Variants in ABCA12 observed in about 807,000 individuals in gnomAD.
ABCA12 encodes ATP binding cassette subfamily A member 12, also known as glucosylceramide transporter ABCA12.
A neutral mutation model predicts 293.5 loss-of-function variants in ABCA12; 156 were observed. The ratio of observed to expected loss-of-function variants is 0.53; its 90% CI spans 0.47 to 0.61. The LOEUF (loss-of-function observed/expected upper bound fraction) is 0.61, where lower values mean the gene tolerates loss of function less well. ABCA12 is among the 20% of genes least tolerant of loss of function. The pLI, the probability that ABCA12 is intolerant of heterozygous loss-of-function variation, is 0.00. For synonymous variants in ABCA12, 1,063 were observed against 1,108.0 expected (o/e 0.96, Z 0.81); for missense variants, 2,797 against 3,090.2 (o/e 0.91, Z 2.25).
intron 7 of ABCA12, 76 bp downstream of exon 7, chr2:215,045,761 A>C: frequency 7.6e-7 from 1 of 1,317,184 alleles, no homozygotes; most frequent in South Asian, 1.3e-5. Context: ...AGATAACAGT[A>C]ATCATCACAG....
chr2:214,937,516 G>A lies in ABCA12; in HGVS notation c.7536C>T (p.Tyr2512=), dbSNP rs1200082923. The A allele has an allele frequency of 6.2e-7, 1 of 1,612,780 alleles. No homozygotes were observed. The highest frequency in any genetic ancestry group is 1.7e-5 in the Admixed American group (1 of 59,976). ...CCCAGCCATCATCACTTACTTTTAAGTATGTTTTTGGAAAGTGCAGCTGCA... is the reference window on the plus strand; with the variant it reads ...CCCAGCCATCATCACTTACTTTTAAATATGTTTTTGGAAAGTGCAGCTGCA... ...KFMQLHFPKT[Y]LKDQHLSMLE... Residue 2512 remains tyrosine, a synonymous_variant, in exon 51 of 53, where the codon TAC becomes TAT. Transcript: ENST00000272895.
chr2:214,986,738 A>T lies in ABCA12; in HGVS notation c.3977-10T>A, dbSNP rs1699796638. On this transcript the variant is annotated splice_polypyrimidine_tract_variant and intron_variant, in intron 27 of 52. Coordinates refer to ENST00000272895, the MANE Select transcript of ABCA12 (RefSeq NM_173076.3). ...AACATGTATTCAGGACCTGGAGAGA[A>T]ATCAAGGGAAGAGTTGTAAACTCAC... is the stretch of plus-strand genomic sequence containing the variant. The T allele has an allele frequency of 6.2e-7, 1 of 1,613,592 alleles. No individual in the cohort carries two copies. The highest frequency in any genetic ancestry group is 8.5e-7 in the Non-Finnish European group (1 of 1,179,598).
chr2:214,963,684 C>G (rs370453486), intron 39 of ABCA12, among the ~76,000 whole-genome samples: 7 of 148,638 alleles, frequency 4.7e-5, no homozygotes, highest in Non-Finnish European at 1.0e-4. Flanking sequence ...GAGCCCAAGG[C>G]GGGTGGATCA....
intron 14 of ABCA12, among the ~76,000 whole-genome samples, chr2:215,017,149 G>A (rs1030627184): frequency 3.3e-5 from 5 of 152,132 alleles, no homozygotes; most frequent in African/African-American, 1.2e-4. Flanking sequence ...TATTTTTTAA[G>A]GGGAACCTTA....
chr2:214,980,463 A>T lies in ABCA12; in HGVS notation c.4740+20T>A. The T allele has an allele frequency of 3.7e-6, 6 of 1,612,780 alleles. No individual in the cohort carries two copies. The highest frequency in any genetic ancestry group is 5.1e-6 in the Non-Finnish European group (6 of 1,179,874). On this transcript the variant is annotated intron_variant, in intron 31 of 52. Transcript: ENST00000272895. Reference sequence around the variant, plus strand: ...TTAATTTATGGTGCCATAATGAGATATATTTTCTCCCATTCCTACCTTCTT... The same window carrying T: ...TTAATTTATGGTGCCATAATGAGATTTATTTTCTCCCATTCCTACCTTCTT...
intron 19 of ABCA12, 43 bp downstream of exon 19, chr2:215,007,683 GA>G: frequency 6.2e-7 from 1 of 1,612,002 alleles, no homozygotes; most frequent in Non-Finnish European, 8.5e-7. Flanking sequence ...AAATCTCAAA[GA>G]ATTCAAATTC....
chr2:215,016,601 A>AG (rs1177293890), intron 14 of ABCA12, among the ~76,000 whole-genome samples: 9 of 146,776 alleles, frequency 6.1e-5, no homozygotes, highest in African/African-American at 1.5e-4. Flanking sequence ...AAAAAAAAAA[A>AG]AAAAAAAAAA....
chr2:215,067,295 G>A (rs1404709820), intron 2 of ABCA12, among the ~76,000 whole-genome samples: 2 of 151,954 alleles, frequency 1.3e-5, no homozygotes, highest in Admixed American at 6.6e-5. Flanking sequence ...TTTCTTTCAC[G>A]AAACTTCCAT....
At position 215,018,022 on chromosome 2, in the gene ABCA12, C is replaced by T; in HGVS notation, c.1768G>A (p.Asp590Asn). The change falls in exon 14 of 53, where the codon GAT becomes AAT. Residue 590 changes from aspartate to asparagine, a missense_variant. Asp to Asn is a conservative substitution (Grantham distance 23). Transcript: ENST00000272895. ...TGACACCCCACCTCAGCTCTATTAT[C>T]AGGGATGGGAATGGCCAGCAACTTG... ...IDKLLAIPIP[D>N]NRAEIISQVF... 1 of 1,614,144 alleles carries T rather than the reference C, an allele frequency of 6.2e-7. No individual in the cohort carries two copies. Among genetic ancestry groups the T allele is most frequent in the Admixed American group, 1.7e-5 (1 of 60,020 alleles).
At chr2:215,008,581 A>C (rs761304488) in intron 18 of ABCA12, among the ~76,000 whole-genome samples, 9 of 152,174 alleles carry the variant, frequency 5.9e-5, no homozygotes, top group Admixed American at 5.2e-4. Flanking sequence ...ATATATAAAA[A>C]AGGATTAAAA....
At chr2:215,081,682 A>G (rs1701944828) in intron 2 of ABCA12, among the ~76,000 whole-genome samples, 1 of 152,162 alleles carries the variant, frequency 6.6e-6, no homozygotes, top group African/African-American at 2.4e-5. Context: ...TACATTACCA[A>G]ACTAACACAT....
In ABCA12 at chr2:215,058,688, G is replaced by A. The variant is rs79321302; in HGVS notation, c.318-4024C>T. Among the ~76,000 whole-genome samples the A allele has an allele frequency of 2.6e-4, 39 of 152,014 alleles. No individual in the cohort carries two copies. The East Asian group carries it at 4.1e-3, about 16-fold the overall frequency. On this transcript the variant is annotated intron_variant, in intron 3 of 52. Transcript: ENST00000272895. ...CAGCTTACTAACTTCTACTGGACCC[G>A]GCCACATGCACGGTACGATGGGCAT...
At chr2:214,973,857 A>G in intron 36 of ABCA12, 92 bp downstream of exon 36, 1 of 1,110,726 alleles carries the variant, frequency 9.0e-7, no homozygotes, top group Non-Finnish European at 1.4e-6. Flanking sequence ...ATGAACTTAT[A>G]CTGATTCTTT....
intron 1 of ABCA12, among the ~76,000 whole-genome samples, chr2:215,137,196 A>G (rs1256509041): frequency 6.6e-6 from 1 of 152,162 alleles, no homozygotes; most frequent in Admixed American, 6.5e-5. Flanking sequence ...CTTACTACAC[A>G]CATCAAAACA....
At chr2:214,974,995 C>T in intron 34 of ABCA12, 131 bp from the exon 35 acceptor site, 1 of 811,968 alleles carries the variant, frequency 1.2e-6, no homozygotes, top group Non-Finnish European at 2.0e-6. Flanking sequence ...CAGAGTCTTG[C>T]CGTGTTGCCC....
rs766662776 is a variant in ABCA12, at chr2:215,062,173, A to G, written c.317+1893T>C. The stretch of plus-strand genomic sequence containing the variant: ...GGCAGTCTTCATTGTTCTATCTCCT[A>G]TTATTGTTATTGATTTAATGTTTTC... On this transcript the variant is annotated intron_variant, in intron 3 of 52. Coordinates refer to ENST00000272895, the MANE Select transcript of ABCA12 (RefSeq NM_173076.3). Among the ~76,000 whole-genome samples, 7 of 152,002 alleles carry G rather than the reference A, an allele frequency of 4.6e-5. No homozygotes were observed. In the South Asian group the frequency reaches 8.3e-4, roughly 18 times the overall value.
At chr2:215,133,970 C>A (rs2105920439) in intron 1 of ABCA12, among the ~76,000 whole-genome samples, 1 of 152,104 alleles carries the variant, frequency 6.6e-6, no homozygotes, top group East Asian at 1.9e-4. Context: ...TGACCTTGGA[C>A]AAGTCCCTTG....
At chr2:215,045,269 G>A (rs1701178714) in intron 7 of ABCA12, among the ~76,000 whole-genome samples, 1 of 152,136 alleles carries the variant, frequency 6.6e-6, no homozygotes. Context: ...AACCTTTAAA[G>A]GTGTTTCTCC....
At chr2:215,034,026 T>C (rs181854807) in intron 8 of ABCA12, among the ~76,000 whole-genome samples, 165 of 152,278 alleles carry the variant, frequency 1.1e-3, no homozygotes, top group Middle Eastern at 6.8e-3. Context: ...CACAGAAATA[T>C]GGTGCATAGA....
Sources: allele counts gnomAD v4.1 joint callset (sites outside exome capture counted in the v4.1 genomes callset), GRCh38; gene constraint gnomAD v4.1.1; transcripts MANE v1.5; gene names NCBI Gene and HGNC (gene_info 2026-07-23, HGNC 2026-07-21).